MCM2: variants seen among roughly 807,000 people sequenced by gnomAD.
The protein encoded by MCM2 is DNA replication licensing factor MCM2.
MCM2 carries 49 observed loss-of-function variants against 86.4 expected under a neutral mutation model. The observed-to-expected ratio is 0.57, with a 90% CI of 0.45 to 0.72. MCM2 has a LOEUF of 0.72. Among genes scored for constraint, MCM2 ranks in the 30% least tolerant of loss-of-function variants. MCM2 has a pLI of 0.00. For missense variants in MCM2, 1,038 were observed against 1,259.9 expected (o/e 0.82, Z 2.67); for synonymous variants, 475 against 484.6 (o/e 0.98, Z 0.26).
chr3:127,620,797 G>A lies in MCM2; in HGVS notation c.2365G>A (p.Asp789Asn). 6.2e-7 allele frequency: 1 copy of A among 1,614,154 alleles called. No individual in the cohort carries two copies. Among genetic ancestry groups the A allele is most frequent in the Non-Finnish European group, 8.5e-7 (1 of 1,179,972 alleles). The change falls in exon 14 of 16, where the codon GAC (aspartate) becomes AAC (asparagine). Residue 789 changes from aspartate to asparagine, a missense_variant. Physicochemically the swap from Asp to Asn is conservative, Grantham distance 23. Coordinates refer to ENST00000265056, the MANE Select transcript of MCM2 (RefSeq NM_004526.4). ...CCATCTGCGGGACTATGTGATCGAA[G>A]ACGACGTCAACATGGCCATCCGCGT... ...RIHLRDYVIE[D>N]DVNMAIRVML...
chr3:127,619,723 C>T (rs2074461993), intron 13 of MCM2, among the ~76,000 whole-genome samples: 1 of 152,042 alleles, frequency 6.6e-6, no homozygotes, highest in Non-Finnish European at 1.5e-5. Flanking sequence ...TGATTCATGC[C>T]TGTAATCCCA....
chr3:127,619,285 G>T lies in MCM2; in HGVS notation c.2265+7G>T. On this transcript the variant is annotated splice_region_variant and intron_variant, in intron 13 of 15. Transcript: ENST00000265056. The stretch of plus-strand genomic sequence containing the variant: ...CCTGAGGAAAGAATCTATGGTGAGA[G>T]CCCAGGCAGAGCCGGGAGGTGCTAT... The T allele has an allele frequency of 6.2e-7, 1 of 1,610,098 alleles. No homozygotes were observed. Among genetic ancestry groups the T allele is most frequent in the Non-Finnish European group, 8.5e-7 (1 of 1,176,724 alleles).
intron 1 of MCM2, chr3:127,599,099 T>C (rs1014222140): frequency 1.0e-5 from 6 of 589,800 alleles, no homozygotes; most frequent in African/African-American, 9.3e-5. Flanking sequence ...AGCTGGCTTC[T>C]ATTTGTTTGG....
rs761453914 is a variant in MCM2 at position 127,606,858 on chromosome 3, G to A, written c.1101+41G>A. ...AGGTCTGCTGCCAGCTGTCCTTAGGGGTGCCCAGTATGCAGGACCTGACTG... is the reference window on the plus strand; with the variant it reads ...AGGTCTGCTGCCAGCTGTCCTTAGGAGTGCCCAGTATGCAGGACCTGACTG... On this transcript the variant is annotated intron_variant, in intron 6 of 15. Transcript: ENST00000265056. This position sits in a 1 kb window ranked among gnomAD's most constrained non-coding sequence, Gnocchi z 4.2. The A allele has an allele frequency of 6.2e-7, 1 of 1,600,190 alleles. No homozygotes were observed. The highest frequency in any genetic ancestry group is 8.6e-7 in the Non-Finnish European group (1 of 1,167,842).
intron 2 of MCM2, among the ~76,000 whole-genome samples, chr3:127,600,463 G>A (rs142613832): frequency 7.9e-5 from 12 of 152,284 alleles, no homozygotes; most frequent in Middle Eastern, 6.8e-3. Context: ...TGCTCCTTTT[G>A]TGCCTTTTCA....
chr3:127,617,851 C>A lies in MCM2; in HGVS notation c.1901-118C>A. On this transcript the variant is annotated intron_variant, in intron 11 of 15. Transcript: ENST00000265056. The surrounding 1 kb of genome is among the most constrained non-coding windows in gnomAD (Gnocchi z 4.1). ...TCTCAGACAGCAGGTGCTAAGTACC[C>A]ACCTATGTCTTCCTCTTCCACTGCC... is the stretch of plus-strand genomic sequence containing the variant. 1 of 743,888 alleles carries A rather than the reference C, an allele frequency of 1.3e-6. No individual in the cohort carries two copies. Among genetic ancestry groups the A allele is most frequent in the South Asian group, 1.6e-5 (1 of 62,782 alleles). The allele number at this position is 743,888 out of a possible 1,614,324, so 46.1% of individuals were successfully genotyped here. A position where few individuals can be genotyped will look rare whatever the true frequency, so the allele number is the denominator to read the frequency against.
chr3:127,598,807 A>G (rs1459234386), intron 1 of MCM2: 1 of 400,840 alleles, frequency 2.5e-6, no homozygotes, highest in Non-Finnish European at 4.4e-6. Context: ...TTTTTTTTTT[A>G]ATTTCCCAAT....
rs2074346703 is a variant in MCM2 at position 127,606,179 on chromosome 3, C to G, written c.735C>G (p.Ala245=). The change falls in exon 5 of 16, where the codon GCC becomes GCG. Residue 245 remains alanine, a synonymous_variant. Coordinates refer to ENST00000265056, the MANE Select transcript of MCM2 (RefSeq NM_004526.4). The surrounding 1 kb of genome is among the most constrained non-coding windows in gnomAD (Gnocchi z 4.2). ...TGGCAGCCAGGGAGCACGTGCTGGC[C>G]TACTTCCTGCCTGAGGCACCGGCGG... is the stretch of plus-strand genomic sequence containing the variant. The part of the protein sequence containing the change: ...EDLAAREHVL[A]YFLPEAPAEL... 1 of 1,614,228 alleles carries G rather than the reference C, an allele frequency of 6.2e-7. No individual in the cohort carries two copies. The highest frequency in any genetic ancestry group is 1.3e-5 in the African/African-American group (1 of 75,056).
Position 127,605,055 on chromosome 3 carries a change from C to A in MCM2, c.572C>A (p.Pro191His), listed in dbSNP as rs890394408. ...CGCGAGTGGGTGAGCATGGCGGGCCCCCGGCTGGAGATCCACCACCGCTTC... is the reference window on the plus strand; with the variant it reads ...CGCGAGTGGGTGAGCATGGCGGGCCACCGGCTGGAGATCCACCACCGCTTC... ...SVREWVSMAG[P>H]RLEIHHRFKN... Residue 191 changes from proline to histidine, a missense_variant, in exon 4 of 16, where the codon CCC becomes CAC. Pro to His is a moderately conservative substitution (Grantham distance 77). Transcript: ENST00000265056. 3.7e-6 allele frequency: 6 copies of A among 1,613,940 alleles called. No individual in the cohort carries two copies. Among genetic ancestry groups the A allele is most frequent in the Non-Finnish European group, 5.1e-6 (6 of 1,179,958 alleles).
Position 127,608,366 on chromosome 3 carries a change from T to A in MCM2, c.1102-16T>A. The A allele has an allele frequency of 6.2e-7, 1 of 1,613,448 alleles. No individual in the cohort carries two copies. The highest frequency in any genetic ancestry group is 1.7e-4 in the Middle Eastern group (1 of 6,060). On this transcript the variant is annotated splice_polypyrimidine_tract_variant and intron_variant, in intron 6 of 15. Coordinates refer to ENST00000265056, the MANE Select transcript of MCM2 (RefSeq NM_004526.4). ...AGTAAGTCAGTGATTTGAGGCCTTC[T>A]GTGTGTCCCTCGCAGACCATCTATC...
At chr3:127,612,208 T>A (rs1165254706) in intron 8 of MCM2, among the ~76,000 whole-genome samples, 1 of 152,230 alleles carries the variant, frequency 6.6e-6, no homozygotes, top group African/African-American at 2.4e-5. Context: ...CGTCCCCTAC[T>A]CTGTCAGTTT....
At chr3:127,609,753 T>G (rs1315117553) in intron 8 of MCM2, among the ~76,000 whole-genome samples, 2 of 151,668 alleles carry the variant, frequency 1.3e-5, no homozygotes, top group Non-Finnish European at 2.9e-5. Context: ...ATTACCTCCA[T>G]CCTGCCCCCA....
chr3:127,600,911 T>A (rs1255462771), intron 2 of MCM2, among the ~76,000 whole-genome samples: 1 of 152,094 alleles, frequency 6.6e-6, no homozygotes, highest in Non-Finnish European at 1.5e-5. Flanking sequence ...GGGCTATAGT[T>A]TTTTAGAGTT....
chr3:127,612,581 G>T (rs2074407331), intron 8 of MCM2, among the ~76,000 whole-genome samples: 1 of 152,230 alleles, frequency 6.6e-6, no homozygotes, highest in African/African-American at 2.4e-5. Flanking sequence ...TGACAGGCGT[G>T]TAGAAAGCAT....
At chr3:127,620,936 C>A in intron 14 of MCM2, 56 bp downstream of exon 14, 2 of 1,571,140 alleles carry the variant, frequency 1.3e-6, no homozygotes, top group Non-Finnish European at 1.7e-6. Context: ...GGAGGCCACA[C>A]GTGGGTATCC....
chr3:127,599,360 C>G lies in MCM2; in HGVS notation c.49C>G (p.Arg17Gly). 1.2e-6 allele frequency: 2 copies of G among 1,614,162 alleles called. No homozygotes were observed. Among genetic ancestry groups the G allele is most frequent in the Non-Finnish European group, 1.7e-6 (2 of 1,180,012 alleles). Residue 17 changes from arginine to glycine, a missense_variant, in exon 2 of 16, where the codon CGT becomes GGT. Physicochemically the swap from Arg to Gly is moderately radical, Grantham distance 125 (BLOSUM62 -2). Transcript: ENST00000265056. ...CACCATGGCATCCAGCCCGGCCCAGCGTCGGCGAGGCAATGATCCTCTCAC... is the reference window on the plus strand; with the variant it reads ...CACCATGGCATCCAGCCCGGCCCAGGGTCGGCGAGGCAATGATCCTCTCAC... ...SFTMASSPAQRRRGNDPLTSS... is the reference protein window; with the variant it reads ...SFTMASSPAQGRRGNDPLTSS...
At chr3:127,609,076 G>C (rs962597089) in intron 8 of MCM2, 53 bp downstream of exon 8, 17 of 1,584,308 alleles carry the variant, frequency 1.1e-5, no homozygotes, top group Non-Finnish European at 1.4e-5. Flanking sequence ...AGGATATGGA[G>C]GGTTGCTGGG....
At chr3:127,603,604 G>A (rs1316944055) in intron 2 of MCM2, among the ~76,000 whole-genome samples, 1 of 152,022 alleles carries the variant, frequency 6.6e-6, no homozygotes, top group Non-Finnish European at 1.5e-5. Context: ...TCCCAGCTCA[G>A]CCTCCTGAGT....
intron 9 of MCM2, among the ~76,000 whole-genome samples, chr3:127,616,479 A>G (rs1295377301): frequency 6.6e-6 from 1 of 152,178 alleles, no homozygotes; most frequent in Non-Finnish European, 1.5e-5. Flanking sequence ...GCCTGTGCGC[A>G]GTGCATCCCA....
Sources: gnomAD v4.1 joint callset for allele counts (sites outside exome capture counted in the v4.1 genomes callset) on GRCh38, gnomAD v4.1.1 for gene constraint, Gnocchi (gnomAD v3.1) non-coding constraint, MANE v1.5 for transcripts, NCBI Gene and HGNC (gene_info 2026-07-23, HGNC 2026-07-21) for gene names.